SENP6: variants seen among roughly 807,000 people sequenced by gnomAD.
SENP6 encodes the protein SUMO specific peptidase 6, also known as sentrin-specific protease 6.
Under a neutral mutation model 134.5 loss-of-function variants are expected in SENP6, and 41 were observed. The ratio of observed to expected loss-of-function variants is 0.30; its 90% CI spans 0.24 to 0.40. The LOEUF (loss-of-function observed/expected upper bound fraction) is 0.40. Ranked by LOEUF, SENP6 falls within the 10% of genes least tolerant of loss-of-function variation. The pLI, the probability that SENP6 is intolerant of heterozygous loss-of-function variation, is 1.00. For missense variants in SENP6, 1,248 were observed against 1,312.5 expected (o/e 0.95, Z 0.76); for synonymous variants, 395 against 429.8 (o/e 0.92, Z 1.00).
chr6:75,685,881 G>T (rs1254442232), intron 16 of SENP6, among the ~76,000 whole-genome samples: 1 of 152,104 alleles, frequency 6.6e-6, no homozygotes, highest in Admixed American at 6.6e-5. Flanking sequence ...GTTGATTTGG[G>T]GTGGAGAGTT....
At chr6:75,667,923 A>T (rs1001546675) in intron 10 of SENP6, among the ~76,000 whole-genome samples, 1 of 152,220 alleles carries the variant, frequency 6.6e-6, no homozygotes, top group Non-Finnish European at 1.5e-5. Flanking sequence ...GAGTACCAAA[A>T]TAAGGAAATA....
At position 75,716,267 on chromosome 6, in the gene SENP6, C is replaced by T. The variant is rs1363626466; in HGVS notation, c.*673C>T. The T allele has an allele frequency of 1.3e-5, 2 of 151,870 alleles. No homozygotes were observed. The highest frequency in any genetic ancestry group is 2.9e-5 in the Non-Finnish European group (2 of 67,844). 9.4% of individuals were successfully genotyped at this position (151,870 alleles called of 1,614,324 possible). On this transcript the variant is annotated 3_prime_UTR_variant, in exon 24 of 24. Coordinates refer to ENST00000447266, the MANE Select transcript of SENP6 (RefSeq NM_015571.4). The stretch of plus-strand genomic sequence containing the variant: ...AAAAAAAAATTCTTGCATATATTAT[C>T]ATCAAATGCATTTTTGAAGACATCA...
In SENP6 at chr6:75,645,348, G is replaced by T. The variant is rs551479752; in HGVS notation, c.480-2383G>T. On this transcript the variant is annotated intron_variant, in intron 6 of 23. Coordinates refer to ENST00000447266, the MANE Select transcript of SENP6 (RefSeq NM_015571.4). ...ATGTAAATGCTGGCCAGGTGTGGTG[G>T]TTTATGCCTGTAATCTCAGCACTTT... Among the ~76,000 whole-genome samples, 16 of 152,346 alleles carry T rather than the reference G, an allele frequency of 1.1e-4. No individual in the cohort carries two copies. In the South Asian group the frequency reaches 3.3e-3, roughly 32 times the overall value.
chr6:75,626,516 G>A (rs144742933), intron 3 of SENP6, among the ~76,000 whole-genome samples: 1 of 152,200 alleles, frequency 6.6e-6, no homozygotes, highest in Non-Finnish European at 1.5e-5. Context: ...TGGATATACT[G>A]TAGATATTCA....
At chr6:75,649,412 T>C (rs1770697256) in intron 7 of SENP6, among the ~76,000 whole-genome samples, 1 of 152,230 alleles carries the variant, frequency 6.6e-6, no homozygotes, top group South Asian at 2.1e-4. Context: ...CAATAATTTT[T>C]AAAGTTTATT....
chr6:75,718,113 T>G lies in SENP6; in HGVS notation c.*2519T>G, dbSNP rs922076132. ...ATGATTCTCTAAATTACATCTTGTT[T>G]TAAGCCACCAAAATGAATGCAGTAA... On this transcript the variant is annotated 3_prime_UTR_variant, in exon 24 of 24. Coordinates refer to ENST00000447266, the MANE Select transcript of SENP6 (RefSeq NM_015571.4). The G allele has an allele frequency of 6.6e-6, 1 of 151,992 alleles. No individual in the cohort carries two copies. The highest frequency in any genetic ancestry group is 1.5e-5 in the Non-Finnish European group (1 of 67,966). The allele number at this position is 151,992 out of a possible 1,614,324, so 9.4% of individuals were successfully genotyped here. A position where few individuals can be genotyped will look rare whatever the true frequency, so the allele number is the denominator to read the frequency against.
At chr6:75,686,631 T>C (rs1453929270) in intron 16 of SENP6, among the ~76,000 whole-genome samples, 1 of 152,170 alleles carries the variant, frequency 6.6e-6, no homozygotes, top group Non-Finnish European at 1.5e-5. Context: ...GTCTGTAAAG[T>C]ATTTTATTTC....
intron 7 of SENP6, among the ~76,000 whole-genome samples, chr6:75,658,995 A>AAG (rs1562015358): frequency 1.3e-5 from 2 of 148,752 alleles, no homozygotes; most frequent in African/African-American, 2.5e-5. Context: ...AAAAAAAAAA[A>AAG]AAAAAGGGGA....
intron 3 of SENP6, among the ~76,000 whole-genome samples, chr6:75,632,856 A>G (rs1769216225): frequency 6.6e-6 from 1 of 152,184 alleles, no homozygotes; most frequent in African/African-American, 2.4e-5. Flanking sequence ...TTTGATGTAG[A>G]TTACCAAATT....
Position 75,715,810 on chromosome 6 carries a change from T to C in SENP6, c.*216T>C, listed in dbSNP as rs1202237566. 1 of 330,654 alleles carries C rather than the reference T, an allele frequency of 3.0e-6. No individual in the cohort carries two copies. The highest frequency in any genetic ancestry group is 2.1e-5 in the African/African-American group (1 of 46,900). 20.5% of individuals were successfully genotyped at this position (330,654 alleles called of 1,614,324 possible). ...TTTTTCCAGCATTTATAATTATTTTTTTCACTTGTTAGGAAGCTTTTGTTA... is the reference window on the plus strand; with the variant it reads ...TTTTTCCAGCATTTATAATTATTTTCTTCACTTGTTAGGAAGCTTTTGTTA... On this transcript the variant is annotated 3_prime_UTR_variant, in exon 24 of 24. Coordinates refer to ENST00000447266, the MANE Select transcript of SENP6 (RefSeq NM_015571.4).
chr6:75,670,444 T>C, intron 10 of SENP6, 109 bp from the exon 11 acceptor site: 1 of 687,624 alleles, frequency 1.5e-6, no homozygotes, highest in Non-Finnish European at 2.3e-6. Flanking sequence ...AAATCCATTT[T>C]ATGTTGTGAT....
rs928037557 is a variant in SENP6, at chr6:75,654,194, C to T, written c.551-5068C>T. Among the ~76,000 whole-genome samples, 7 of 152,234 alleles carry T rather than the reference C, an allele frequency of 4.6e-5. No homozygotes were observed. In the East Asian group the frequency reaches 5.8e-4, roughly 13 times the overall value. On this transcript the variant is annotated intron_variant, in intron 7 of 23. Transcript: ENST00000447266. Reference sequence around the variant, plus strand: ...AGCACAGGTTGAGGCACTGTGATCACGCCTCTGCACTCCAGCCTGGGCTAC... The same window carrying T: ...AGCACAGGTTGAGGCACTGTGATCATGCCTCTGCACTCCAGCCTGGGCTAC...
chr6:75,645,552 G>A (rs1339582948), intron 6 of SENP6, among the ~76,000 whole-genome samples: 3 of 152,192 alleles, frequency 2.0e-5, no homozygotes, highest in African/African-American at 7.2e-5. Context: ...GGGAGGCAGA[G>A]GTTGCAGTGA....
At chr6:75,685,343 C>T (rs982821387) in intron 16 of SENP6, among the ~76,000 whole-genome samples, 1 of 151,848 alleles carries the variant, frequency 6.6e-6, no homozygotes, top group African/African-American at 2.4e-5. Flanking sequence ...CTCCTGGATT[C>T]ATTGATTTTT....
intron 5 of SENP6, among the ~76,000 whole-genome samples, chr6:75,639,550 CAGTT>C (rs1412431253): frequency 2.6e-5 from 4 of 152,000 alleles, no homozygotes; most frequent in Admixed American, 1.3e-4. Flanking sequence ...GCTTTGCTTA[CAGTT>C]AGTTCCAAAT....
At chr6:75,630,037 A>G (rs1768988441) in intron 3 of SENP6, among the ~76,000 whole-genome samples, 1 of 151,978 alleles carries the variant, frequency 6.6e-6, no homozygotes, top group South Asian at 2.1e-4. Flanking sequence ...GAAGATAATG[A>G]ATGAGGGCCA....
intron 16 of SENP6, among the ~76,000 whole-genome samples, chr6:75,680,614 T>C (rs1159019300): frequency 1.3e-5 from 2 of 152,130 alleles, no homozygotes; most frequent in African/African-American, 2.4e-5. Context: ...GTGTTAACAA[T>C]ATAGCAGAGA....
At chr6:75,622,770 GC>G in intron 2 of SENP6, 3 of 1,288,324 alleles carry the variant, frequency 2.3e-6, no homozygotes, top group Non-Finnish European at 3.0e-6. Flanking sequence ...TTCTGTCTGG[GC>G]AACAGCTCCG....
Position 75,623,650 on chromosome 6 carries a change from T to A in SENP6, c.147-250T>A, listed in dbSNP as rs972106170. Reference sequence around the variant, plus strand: ...ACAAACTATGATCCATGGGCTAATCTTGCGTGCCACCTAATTCAGTTAATA... The same window carrying A: ...ACAAACTATGATCCATGGGCTAATCATGCGTGCCACCTAATTCAGTTAATA... On this transcript the variant is annotated intron_variant, in intron 2 of 23. Coordinates refer to ENST00000447266, the MANE Select transcript of SENP6 (RefSeq NM_015571.4). Among the ~76,000 whole-genome samples, 6 of 152,326 alleles carry A rather than the reference T, an allele frequency of 3.9e-5. No homozygotes were observed. The South Asian group carries it at 6.2e-4, about 16-fold the overall frequency.
Sources: gnomAD v4.1 joint callset for allele counts (sites outside exome capture counted in the v4.1 genomes callset) on GRCh38, gnomAD v4.1.1 for gene constraint, MANE v1.5 for transcripts, NCBI Gene and HGNC (gene_info 2026-07-23, HGNC 2026-07-21) for gene names.